The following CRYBG1 variants were observed in gnomAD, a reference collection of about 807,000 sequenced individuals.
CRYBG1 encodes beta/gamma crystallin domain-containing protein 1.
A neutral mutation model predicts 189.2 loss-of-function variants in CRYBG1; 139 were observed. That is an observed-to-expected ratio of 0.73 (90% confidence interval 0.64 to 0.85). The LOEUF (loss-of-function observed/expected upper bound fraction) is 0.85. Among genes scored for constraint, CRYBG1 ranks in the 40% least tolerant of loss-of-function variants. The pLI is 0.00. For synonymous variants in CRYBG1, 1,023 were observed against 1,017.1 expected, an observed-to-expected ratio of 1.01 and a Z score of -0.11; for missense variants, 2,611 against 2,675.8, an observed-to-expected ratio of 0.98 and a Z score of 0.53.
rs1773708192 is a variant in CRYBG1, at chr6:106,525,133, A to G, written c.4246A>G (p.Thr1416Ala). 1 of 1,613,890 alleles carries G rather than the reference A, an allele frequency of 6.2e-7. No individual in the cohort carries two copies. Among genetic ancestry groups the G allele is most frequent in the Non-Finnish European group, 8.5e-7 (1 of 1,179,930 alleles). ...FSGMSLSDTM[T>A]LRGSVQNKLN... ...TGTGTTTTTGTTCATCTGATTGCAGACACTTAGAGGAAGTGTCCAAAATAA... is the reference window on the plus strand; with the variant it reads ...TGTGTTTTTGTTCATCTGATTGCAGGCACTTAGAGGAAGTGTCCAAAATAA... The change falls in exon 5 of 22, where the codon ACA (threonine) becomes GCA (alanine). Residue 1416 changes from threonine to alanine, a missense_variant and splice_region_variant. Thr to Ala is a moderately conservative substitution (Grantham distance 58). Coordinates refer to ENST00000633556, the MANE Select transcript of CRYBG1 (RefSeq NM_001371242.2).
At chr6:106,410,488 C>A (rs537347734) in intron 1 of CRYBG1, among the ~76,000 whole-genome samples, 1 of 152,218 alleles carries the variant, frequency 6.6e-6, no homozygotes, top group South Asian at 2.1e-4. Flanking sequence ...GATCTTGAAC[C>A]AGAAATACCA....
chr6:106,556,733 T>G (rs1774557246), intron 17 of CRYBG1, among the ~76,000 whole-genome samples: 1 of 152,172 alleles, frequency 6.6e-6, no homozygotes, highest in Admixed American at 6.5e-5. Flanking sequence ...ACGTAATTGC[T>G]CATTTTAGTT....
intron 2 of CRYBG1, among the ~76,000 whole-genome samples, chr6:106,486,077 T>G (rs553729310): frequency 6.6e-6 from 1 of 152,310 alleles, no homozygotes; most frequent in African/African-American, 2.4e-5. Flanking sequence ...TTTCCTCTTT[T>G]TTGTTGTAGG....
chr6:106,517,487 C>CACACACATATATATATAT, intron 3 of CRYBG1, among the ~76,000 whole-genome samples: 1 of 140,566 alleles, frequency 7.1e-6, no homozygotes, highest in Admixed American at 7.8e-5. Context: ...TATATATACA[C>CACACACATATATATATAT]ACACACACAC....
rs1254378433 is a variant in CRYBG1, at chr6:106,543,505, T to G, written c.4947T>G (p.Ser1649Arg). Reference sequence around the variant, plus strand: ...TGGAACTAGAAACAGGAATGTGTAGTTTTGTCATGGAGGGAGGTGAAACAG... The same window carrying G: ...TGGAACTAGAAACAGGAATGTGTAGGTTTGTCATGGAGGGAGGTGAAACAG... ...KCVELETGMC[S>R]FVMEGGETEE... Residue 1649 changes from serine (S) to arginine (R), a missense_variant, in exon 11 of 22, where the codon AGT becomes AGG. By Grantham distance (110) the Ser-to-Arg change is moderately radical. This residue lies in a region of CRYBG1 where 1,622 missense variants were observed against 1,735.0 expected (regional missense o/e 0.93). Coordinates refer to ENST00000633556, the MANE Select transcript of CRYBG1 (RefSeq NM_001371242.2). The G allele has an allele frequency of 1.9e-6, 3 of 1,614,024 alleles. No individual in the cohort carries two copies. In the South Asian group the frequency reaches 3.3e-5, roughly 18 times the overall value.
At chr6:106,508,310 AC>A (rs1773173575) in intron 2 of CRYBG1, among the ~76,000 whole-genome samples, 1 of 151,284 alleles carries the variant, frequency 6.6e-6, no homozygotes, top group Non-Finnish European at 1.5e-5. Context: ...CAGGGGGAAA[AC>A]TCTGTTTTAA....
At chr6:106,538,255 T>C (rs1774050125) in intron 8 of CRYBG1, among the ~76,000 whole-genome samples, 1 of 152,182 alleles carries the variant, frequency 6.6e-6, no homozygotes, top group African/African-American at 2.4e-5. Context: ...CGAAGATGTT[T>C]ACAAGAAGAC....
At chr6:106,425,914 A>C (rs1373136675) in intron 1 of CRYBG1, among the ~76,000 whole-genome samples, 1 of 152,192 alleles carries the variant, frequency 6.6e-6, no homozygotes, top group Admixed American at 6.5e-5. Flanking sequence ...CTGGGATTAC[A>C]GGTGTGAGCC....
At chr6:106,541,386 G>A (rs1213348830) in intron 9 of CRYBG1, 200 bp from the exon 10 acceptor site, 6 of 676,742 alleles carry the variant, frequency 8.9e-6, no homozygotes, top group Non-Finnish European at 1.6e-5. Context: ...TAGACTGCTT[G>A]TGCGAGGCTC....
chr6:106,464,743 C>G (rs1231267094), intron 2 of CRYBG1, among the ~76,000 whole-genome samples: 1 of 152,162 alleles, frequency 6.6e-6, no homozygotes, highest in Non-Finnish European at 1.5e-5. Flanking sequence ...TCGCTCATAA[C>G]CTTTGCCTTA....
intron 3 of CRYBG1, among the ~76,000 whole-genome samples, chr6:106,515,939 G>A (rs924564862): frequency 2.0e-5 from 3 of 151,282 alleles, no homozygotes; most frequent in South Asian, 2.1e-4. Flanking sequence ...GACTACAGGC[G>A]CACCACCATG....
intron 20 of CRYBG1, among the ~76,000 whole-genome samples, chr6:106,563,161 A>G (rs1171671986): frequency 6.6e-6 from 1 of 152,192 alleles, no homozygotes; most frequent in African/African-American, 2.4e-5. Flanking sequence ...GGGTAGATTC[A>G]CTTCAGGGAA....
chr6:106,515,481 C>T (rs776221416), intron 3 of CRYBG1, among the ~76,000 whole-genome samples: 2 of 152,098 alleles, frequency 1.3e-5, no homozygotes, highest in African/African-American at 4.8e-5. Flanking sequence ...AGATATACTT[C>T]GATGTTTGAA....
intron 4 of CRYBG1, among the ~76,000 whole-genome samples, chr6:106,522,219 A>G (rs1773626480): frequency 1.3e-5 from 2 of 152,230 alleles, no homozygotes; most frequent in Admixed American, 6.5e-5. Context: ...GTCCCCAGCC[A>G]GGGAAACTTT....
intron 1 of CRYBG1, among the ~76,000 whole-genome samples, chr6:106,404,906 G>A (rs964888550): frequency 2.0e-5 from 3 of 152,026 alleles, no homozygotes; most frequent in South Asian, 2.1e-4. Flanking sequence ...AGATTCCTTC[G>A]TGTGCCTACA....
chr6:106,545,006 A>G (rs544931737), intron 13 of CRYBG1, 73 bp downstream of exon 13: 14 of 1,269,548 alleles, frequency 1.1e-5, no homozygotes, highest in East Asian at 4.7e-5. Context: ...GTAAGAGTCT[A>G]TCACAGAGTA....
intron 1 of CRYBG1, among the ~76,000 whole-genome samples, chr6:106,426,798 C>A (rs1582756086): frequency 1.3e-5 from 2 of 152,234 alleles, no homozygotes; most frequent in East Asian, 1.9e-4. Flanking sequence ...GTCACTGTCT[C>A]CACAGAGGCA....
At chr6:106,409,072 GAAGTCA>G (rs1358272587) in intron 1 of CRYBG1, among the ~76,000 whole-genome samples, 1 of 152,208 alleles carries the variant, frequency 6.6e-6, no homozygotes, top group Non-Finnish European at 1.5e-5. Context: ...AGGAAGAGGG[GAAGTCA>G]AATCGTCTCT....
intron 1 of CRYBG1, among the ~76,000 whole-genome samples, chr6:106,448,086 C>T (rs150559591): frequency 2.6e-5 from 4 of 152,230 alleles, no homozygotes; most frequent in South Asian, 4.1e-4. Context: ...CCTGAGTTTC[C>T]GGGGCTGGGC....
Sources: gnomAD v4.1 joint callset for allele counts (sites outside exome capture counted in the v4.1 genomes callset) on GRCh38, gnomAD v4.1.1 for gene constraint, gnomAD v4.1.1 regional missense constraint, MANE v1.5 for transcripts, NCBI Gene and HGNC (gene_info 2026-07-23, HGNC 2026-07-21) for gene names.